Variants in COP1 observed in about 807,000 individuals in gnomAD.
The protein encoded by COP1 is E3 ubiquitin-protein ligase COP1.
Under a neutral mutation model 101.3 loss-of-function variants are expected in COP1, and 24 were observed. The observed-to-expected ratio is 0.24, with a 90% CI of 0.17 to 0.33. The LOEUF (loss-of-function observed/expected upper bound fraction) is 0.33. Ranked by LOEUF, COP1 falls within the 10% of genes least tolerant of loss-of-function variation. The pLI, the probability that COP1 is intolerant of heterozygous loss-of-function variation, is 1.00. For synonymous variants in COP1, 347 were observed against 341.9 expected, an observed-to-expected ratio of 1.01 and a Z score of -0.17; for missense variants, 663 against 906.2, an observed-to-expected ratio of 0.73 and a Z score of 3.45.
At position 176,093,937 on chromosome 1, in the gene COP1, C is replaced by T. The variant is rs577369469; in HGVS notation, c.1027-8047G>A. 1.4e-4 allele frequency among the ~76,000 whole-genome samples: 21 copies of T among 151,954 alleles called. No homozygotes were observed. The East Asian group carries it at 4.1e-3, about 29-fold the overall frequency. ...ACTCGGGAGGCTCAGGCAGGAGAAC[C>T]ACTTTAACCCAGGAAGCGGAGGTTG... On this transcript the variant is annotated intron_variant, in intron 9 of 19. Transcript: ENST00000367669.
At chr1:175,963,273 A>G (rs1249198727) in intron 18 of COP1, among the ~76,000 whole-genome samples, 1 of 151,924 alleles carries the variant, frequency 6.6e-6, no homozygotes, top group East Asian at 1.9e-4. Flanking sequence ...TATGGCATTC[A>G]AGACTATAAT....
rs1412964460 is a variant in COP1, at chr1:176,136,554, A to T, written c.832-7T>A. On this transcript the variant is annotated splice_region_variant and splice_polypyrimidine_tract_variant and intron_variant, in intron 6 of 19. Coordinates refer to ENST00000367669, the MANE Select transcript of COP1 (RefSeq NM_022457.7). The stretch of plus-strand genomic sequence containing the variant: ...TCTGGATCTGTTCCAGTTGCTGCAG[A>T]TTAAATAGAGAGAGAAAGACAAAAA... 2 of 1,566,342 alleles carry T rather than the reference A, an allele frequency of 1.3e-6. No homozygotes were observed. The highest frequency in any genetic ancestry group is 4.6e-5 in the East Asian group (2 of 43,706).
At chr1:176,151,333 AAGAAGGAAGGAAAGAAAGAAAAAGAAAG>A (rs1253152387) in intron 5 of COP1, among the ~76,000 whole-genome samples, 156 of 145,426 alleles carry the variant, frequency 1.1e-3, no homozygotes, top group East Asian at 9.4e-3. Flanking sequence ...GAAAGAAAGA[AAGAAGGAAGGAAAGAAAGAAAAAGAAAG>A]AAAGAAAGAA....
chr1:176,106,037 T>G (rs992813682), intron 9 of COP1, among the ~76,000 whole-genome samples: 9 of 152,088 alleles, frequency 5.9e-5, no homozygotes, highest in Admixed American at 1.3e-4. Flanking sequence ...TTTTGTTTTG[T>G]TTTGTTTTTT....
chr1:176,122,343 G>A (rs189877091), intron 8 of COP1, among the ~76,000 whole-genome samples: 2 of 152,120 alleles, frequency 1.3e-5, no homozygotes, highest in East Asian at 1.9e-4. Context: ...AGTTTTATAC[G>A]ATACATGGCA....
At chr1:176,148,583 C>G (rs1691940420) in intron 6 of COP1, among the ~76,000 whole-genome samples, 1 of 152,014 alleles carries the variant, frequency 6.6e-6, no homozygotes, top group Non-Finnish European at 1.5e-5. Flanking sequence ...ATGAGTTAGA[C>G]CTCCCAAGTT....
At chr1:176,124,978 T>G (rs991617660) in intron 8 of COP1, among the ~76,000 whole-genome samples, 1 of 152,226 alleles carries the variant, frequency 6.6e-6, no homozygotes, top group Middle Eastern at 3.2e-3. Context: ...GGTGAGATGA[T>G]ATTTCATTGT....
At chr1:176,043,028 C>CA (rs1280029172) in intron 14 of COP1, among the ~76,000 whole-genome samples, 158 bp downstream of exon 14, 1 of 151,890 alleles carries the variant, frequency 6.6e-6, no homozygotes, top group African/African-American at 2.4e-5. Context: ...GATTCCATCT[C>CA]AAAAAACAAA....
intron 14 of COP1, among the ~76,000 whole-genome samples, 156 bp from the exon 15 acceptor site, chr1:176,027,844 T>C (rs1166073147): frequency 6.6e-6 from 1 of 151,946 alleles, no homozygotes; most frequent in Non-Finnish European, 1.5e-5. Context: ...AAGCTGAATG[T>C]ATTTGTCTGT....
intron 14 of COP1, among the ~76,000 whole-genome samples, chr1:176,031,531 G>A (rs1442660303): frequency 6.6e-6 from 1 of 152,056 alleles, no homozygotes; most frequent in Non-Finnish European, 1.5e-5. Context: ...AAATTTAAAA[G>A]AAAATATCAT....
chr1:175,959,520 T>G (rs1005282677), intron 18 of COP1, among the ~76,000 whole-genome samples: 2 of 152,086 alleles, frequency 1.3e-5, no homozygotes, highest in African/African-American at 4.8e-5. Flanking sequence ...ACTTTAATTA[T>G]TTGTGGATGA....
intron 18 of COP1, among the ~76,000 whole-genome samples, chr1:175,960,844 A>G (rs1039109133): frequency 6.6e-6 from 1 of 152,218 alleles, no homozygotes; most frequent in Non-Finnish European, 1.5e-5. Flanking sequence ...GGATACTTAG[A>G]GAACTGGCAA....
intron 5 of COP1, among the ~76,000 whole-genome samples, chr1:176,155,666 G>A (rs929827758): frequency 6.6e-6 from 1 of 151,866 alleles, no homozygotes; most frequent in African/African-American, 2.4e-5. Flanking sequence ...CTTGTTGCAT[G>A]AAACCCAAGA....
intron 15 of COP1, among the ~76,000 whole-genome samples, chr1:176,002,162 T>C (rs1435034916): frequency 6.6e-6 from 1 of 152,110 alleles, no homozygotes. Flanking sequence ...CCATCATTTC[T>C]ACAAATATTT....
chr1:176,163,097 A>G, intron 4 of COP1, 109 bp from the exon 5 acceptor site: 1 of 1,092,860 alleles, frequency 9.2e-7, no homozygotes, highest in Non-Finnish European at 1.3e-6. Flanking sequence ...ATAGATATCG[A>G]AAATATATTA....
intron 17 of COP1, among the ~76,000 whole-genome samples, chr1:175,987,422 AC>A (rs1657386598): frequency 6.6e-6 from 1 of 152,182 alleles, no homozygotes; most frequent in South Asian, 2.1e-4. Flanking sequence ...ACTTTTAATT[AC>A]TTTTGCACCA....
chr1:176,121,602 T>C (rs529880815), intron 8 of COP1, among the ~76,000 whole-genome samples: 1 of 152,240 alleles, frequency 6.6e-6, no homozygotes, highest in South Asian at 2.1e-4. Context: ...GAATACTACT[T>C]TGACAGTTGC....
At chr1:176,098,484 A>G (rs1682821708) in intron 9 of COP1, among the ~76,000 whole-genome samples, 1 of 152,210 alleles carries the variant, frequency 6.6e-6, no homozygotes, top group South Asian at 2.1e-4. Context: ...CAAACAAACA[A>G]AAAAAGCTAA....
At chr1:176,152,695 C>T (rs1438956118) in intron 5 of COP1, among the ~76,000 whole-genome samples, 1 of 152,096 alleles carries the variant, frequency 6.6e-6, no homozygotes, top group Non-Finnish European at 1.5e-5. Context: ...GCCTTCCTGG[C>T]CTCCCAAAGT....
Sources: gnomAD v4.1 joint callset for allele counts (sites outside exome capture counted in the v4.1 genomes callset) on GRCh38, gnomAD v4.1.1 for gene constraint, MANE v1.5 for transcripts, NCBI Gene and HGNC (gene_info 2026-07-23, HGNC 2026-07-21) for gene names.